The following SLC24A2 variants were observed in gnomAD, a reference collection of about 807,000 sequenced individuals.
The protein encoded by SLC24A2 is solute carrier family 24 member 2.
Under a neutral mutation model 62.0 loss-of-function variants are expected in SLC24A2, and 36 were observed. That is an observed-to-expected ratio of 0.58 (90% CI 0.44 to 0.77). SLC24A2 has a LOEUF of 0.77. Ranked by LOEUF, SLC24A2 falls within the 30% of genes least tolerant of loss-of-function variation. The pLI is 0.00. For synonymous variants in SLC24A2, 358 were observed against 294.0 expected (o/e 1.22, Z -2.23); for missense variants, 846 against 817.9 (o/e 1.03, Z -0.42).
chr9:20,272,413 C>T, the SLC24A2 span, among the ~76,000 whole-genome samples: 45,051 of 151,964 alleles, frequency 0.3, 6,922 homozygotes, highest in South Asian at 0.41. Flanking sequence ...TTTAGCTCAG[C>T]CTCCCTAATT....
chr9:20,020,717 T>TAATA, the SLC24A2 span, among the ~76,000 whole-genome samples: 1 of 152,194 alleles, frequency 6.6e-6, no homozygotes, highest in Admixed American at 6.5e-5. Flanking sequence ...ACTTAAAATA[T>TAATA]AATAAATAAA....
the SLC24A2 span, among the ~76,000 whole-genome samples, chr9:19,867,589 A>G: frequency 5.3e-5 from 8 of 152,022 alleles, no homozygotes; most frequent in African/African-American, 1.5e-4. Context: ...AGTCTACCCC[A>G]GTGTTTGTCA....
At chr9:19,845,214 T>C in the SLC24A2 span, among the ~76,000 whole-genome samples, 1 of 152,192 alleles carries the variant, frequency 6.6e-6, no homozygotes, top group Non-Finnish European at 1.5e-5. Flanking sequence ...AAATTCTCCT[T>C]GTAAAGATCT....
At chr9:19,840,180 T>C in the SLC24A2 span, among the ~76,000 whole-genome samples, 1 of 152,218 alleles carries the variant, frequency 6.6e-6, no homozygotes, top group East Asian at 1.9e-4. Flanking sequence ...TAGTCATTCA[T>C]AACTCATTTT....
At chr9:20,258,928 C>G in the SLC24A2 span, among the ~76,000 whole-genome samples, 1 of 151,900 alleles carries the variant, frequency 6.6e-6, no homozygotes, top group Non-Finnish European at 1.5e-5. Flanking sequence ...CTGGAAAGCC[C>G]TAACTAAAAC....
chr9:20,192,566 C>G, the SLC24A2 span, among the ~76,000 whole-genome samples: 8 of 152,126 alleles, frequency 5.3e-5, no homozygotes, highest in South Asian at 1.2e-3. Flanking sequence ...CCAGATAGAG[C>G]CCTGGAATGT....
the SLC24A2 span, among the ~76,000 whole-genome samples, chr9:19,882,084 A>T: frequency 1.3e-5 from 2 of 152,164 alleles, no homozygotes; most frequent in South Asian, 2.1e-4. Flanking sequence ...TCATACATTA[A>T]TCTTTGCCAT....
chr9:19,582,323 T>G (rs1244846788), intron 5 of SLC24A2, among the ~76,000 whole-genome samples: 1 of 152,194 alleles, frequency 6.6e-6, no homozygotes, highest in African/African-American at 2.4e-5. Flanking sequence ...AAACAGCCCC[T>G]TGGAAATTCC....
the SLC24A2 span, among the ~76,000 whole-genome samples, chr9:20,066,782 A>G: frequency 1.7e-3 from 256 of 152,340 alleles, 1 homozygote; most frequent in Middle Eastern, 3.4e-3. Context: ...ACCTCCCCTC[A>G]GCAAAATGAC....
intron 2 of SLC24A2, among the ~76,000 whole-genome samples, chr9:19,710,799 C>G (rs1820693154): frequency 6.6e-6 from 1 of 152,068 alleles, no homozygotes; most frequent in African/African-American, 2.4e-5. Flanking sequence ...AGACTAGAGA[C>G]AAGCCAGGAG....
At chr9:19,845,983 G>A in the SLC24A2 span, among the ~76,000 whole-genome samples, 104 of 151,536 alleles carry the variant, frequency 6.9e-4, no homozygotes, top group Middle Eastern at 0.031. Flanking sequence ...TTTTTTCTGA[G>A]TTTATTGAGA....
chr9:19,891,639 G>T, the SLC24A2 span, among the ~76,000 whole-genome samples: 1 of 152,148 alleles, frequency 6.6e-6, no homozygotes, highest in Non-Finnish European at 1.5e-5. Flanking sequence ...CCAGTGACTT[G>T]AGAGACTGAG....
chr9:20,023,847 T>C, the SLC24A2 span, among the ~76,000 whole-genome samples: 1 of 152,132 alleles, frequency 6.6e-6, no homozygotes, highest in Non-Finnish European at 1.5e-5. Context: ...AAACTGATGG[T>C]TTTAAGGATT....
At position 19,774,101 on chromosome 9, in the gene SLC24A2, C is replaced by T. The variant is rs530717046; in HGVS notation, c.930+11836G>A. ...CCTGAAATGGCAATAGGAAAACACT[C>T]TGCAGGGAAAGATAGGACTGAAGAA... is the stretch of plus-strand genomic sequence containing the variant. On this transcript the variant is annotated intron_variant, in intron 2 of 10. Transcript: ENST00000341998. 3.9e-5 allele frequency among the ~76,000 whole-genome samples: 6 copies of T among 152,222 alleles called. 1 individual carries two copies. The Middle Eastern group carries it at 0.01, about 259-fold the overall frequency.
At chr9:19,662,117 G>A (rs1002023201) in intron 2 of SLC24A2, among the ~76,000 whole-genome samples, 8 of 152,176 alleles carry the variant, frequency 5.3e-5, no homozygotes, top group African/African-American at 1.7e-4. Flanking sequence ...AACTGCACAT[G>A]TCATTGTGAA....
At chr9:19,921,165 C>T in the SLC24A2 span, among the ~76,000 whole-genome samples, 2 of 151,896 alleles carry the variant, frequency 1.3e-5, no homozygotes, top group Admixed American at 6.6e-5. Flanking sequence ...GTCTTCTCCT[C>T]ACCTTTATTT....
chr9:20,058,564 A>G, the SLC24A2 span, among the ~76,000 whole-genome samples: 1 of 151,900 alleles, frequency 6.6e-6, no homozygotes, highest in South Asian at 2.1e-4. Context: ...GTGGAGCATA[A>G]GTAACAATGA....
At chr9:20,001,327 C>T in the SLC24A2 span, among the ~76,000 whole-genome samples, 1 of 152,180 alleles carries the variant, frequency 6.6e-6, no homozygotes, top group African/African-American at 2.4e-5. Flanking sequence ...CCTCCTGGCA[C>T]TCTATTTTGG....
chr9:20,196,367 C>T, the SLC24A2 span, among the ~76,000 whole-genome samples: 2 of 152,200 alleles, frequency 1.3e-5, no homozygotes, highest in African/African-American at 4.8e-5. Context: ...CACAGGACTG[C>T]ACTTGCATTT....
Sources: allele counts gnomAD v4.1 joint callset (sites outside exome capture counted in the v4.1 genomes callset), GRCh38; gene constraint gnomAD v4.1.1; transcripts MANE v1.5; gene names NCBI Gene and HGNC (gene_info 2026-07-23, HGNC 2026-07-21).